Variants in TPD52L1 observed in about 807,000 individuals in gnomAD.
The protein encoded by TPD52L1 is TPD52 like 1.
A neutral mutation model predicts 28.7 loss-of-function variants in TPD52L1; 18 were observed. That is an observed-to-expected ratio of 0.63 (90% confidence interval 0.43 to 0.93). TPD52L1 has a LOEUF of 0.93. Among genes scored for constraint, TPD52L1 ranks in the 40% least tolerant of loss-of-function variants. The pLI, the probability that TPD52L1 is intolerant of heterozygous loss-of-function variation, is 0.00. For synonymous variants in TPD52L1, 75 were observed against 88.8 expected (o/e 0.84, Z 0.88); for missense variants, 203 against 254.8 (o/e 0.80, Z 1.39).
At chr6:125,172,535 T>TATATATATATATTATATATATATA (rs1791515037) in intron 1 of TPD52L1, among the ~76,000 whole-genome samples, 1 of 98,150 alleles carries the variant, frequency 1.0e-5, no homozygotes, top group Non-Finnish European at 1.9e-5. Context: ...TATATATATA[T>TATATATATATATTATATATATATA]ATATATATAT....
At chr6:125,238,718 A>G (rs993231152) in intron 3 of TPD52L1, among the ~76,000 whole-genome samples, 1 of 152,224 alleles carries the variant, frequency 6.6e-6, no homozygotes, top group Non-Finnish European at 1.5e-5. Context: ...ATGTAGGAAT[A>G]TATATTAACT....
chr6:125,260,851 T>G (rs1184269182), intron 6 of TPD52L1, among the ~76,000 whole-genome samples: 1 of 90,682 alleles, frequency 1.1e-5, no homozygotes, highest in African/African-American at 4.2e-5. Flanking sequence ...AGAAAGAAAG[T>G]GAGAGAGAGA....
At chr6:125,160,709 G>A (rs559044806) in intron 1 of TPD52L1, among the ~76,000 whole-genome samples, 19 of 152,208 alleles carry the variant, frequency 1.2e-4, no homozygotes, top group African/African-American at 4.6e-4. Flanking sequence ...TCCAGTGTAA[G>A]GCTGTTTCAT....
At chr6:125,230,090 A>G (rs1795857725) in intron 3 of TPD52L1, among the ~76,000 whole-genome samples, 1 of 152,182 alleles carries the variant, frequency 6.6e-6, no homozygotes, top group South Asian at 2.1e-4. Context: ...TGTCTCAAAA[A>G]AAAGAAAGGA....
At chr6:125,179,826 C>T (rs995302768) in intron 1 of TPD52L1, among the ~76,000 whole-genome samples, 1 of 152,146 alleles carries the variant, frequency 6.6e-6, no homozygotes, top group South Asian at 2.1e-4. Context: ...AAGAAGGCAG[C>T]TCTTACTTAA....
At chr6:125,216,432 A>T (rs1794879990) in intron 1 of TPD52L1, among the ~76,000 whole-genome samples, 2 of 151,468 alleles carry the variant, frequency 1.3e-5, no homozygotes, top group African/African-American at 4.9e-5. Flanking sequence ...TTGAAAATAT[A>T]TAAATGTATA....
rs558714919 is a variant in TPD52L1, at chr6:125,257,008, G to A, written c.426-90G>A. 3.4e-5 allele frequency: 39 copies of A among 1,139,600 alleles called. No homozygotes were observed. In the East Asian group the frequency reaches 5.2e-4, roughly 15 times the overall value. 70.6% of individuals were successfully genotyped at this position (1,139,600 alleles called of 1,614,324 possible). ...GACAGGTAGCTCTGTGGCAGAGGCC[G>A]TGTTTACAGATATGAGCAGAAAACC... On this transcript the variant is annotated intron_variant, in intron 5 of 6. Transcript: ENST00000534000.
chr6:125,220,121 A>G lies in TPD52L1; in HGVS notation c.63A>G (p.Ala21=). The G allele has an allele frequency of 6.2e-7, 1 of 1,613,934 alleles. No homozygotes were observed. The highest frequency in any genetic ancestry group is 2.2e-5 in the East Asian group (1 of 44,872). ...TEPLQGTDED[A]VASADFSSML... ...CGTTGCAAGGAACAGACGAAGATGCAGTAGCCAGTGCTGACTTCTCTAGCA... is the reference window on the plus strand; with the variant it reads ...CGTTGCAAGGAACAGACGAAGATGCGGTAGCCAGTGCTGACTTCTCTAGCA... Residue 21 remains alanine, a synonymous_variant, in exon 2 of 7, where the codon GCA becomes GCG. Transcript: ENST00000534000.
chr6:125,177,365 C>A (rs957635307), intron 1 of TPD52L1, among the ~76,000 whole-genome samples: 1 of 152,140 alleles, frequency 6.6e-6, no homozygotes, highest in African/African-American at 2.4e-5. Context: ...GGAAGTCATC[C>A]TCCTTTTTTT....
chr6:125,225,536 A>G (rs1350998188), intron 2 of TPD52L1, among the ~76,000 whole-genome samples: 1 of 152,222 alleles, frequency 6.6e-6, no homozygotes. Context: ...GTTAATTCAT[A>G]TTTAAATAAT....
chr6:125,197,839 G>C (rs1793545200), intron 1 of TPD52L1, among the ~76,000 whole-genome samples: 1 of 152,166 alleles, frequency 6.6e-6, no homozygotes, highest in Non-Finnish European at 1.5e-5. Flanking sequence ...AGGGAGGCAG[G>C]GGATGTTACA....
chr6:125,160,883 G>C (rs1440989379), intron 1 of TPD52L1, among the ~76,000 whole-genome samples: 1 of 124,494 alleles, frequency 8.0e-6, no homozygotes, highest in Non-Finnish European at 1.6e-5. Context: ...ATGGAGTCTT[G>C]CTCTGTCACC....
At chr6:125,230,764 T>G (rs1373772694) in intron 3 of TPD52L1, among the ~76,000 whole-genome samples, 1 of 152,164 alleles carries the variant, frequency 6.6e-6, no homozygotes, top group Non-Finnish European at 1.5e-5. Flanking sequence ...CCTATTGGGC[T>G]CTATGCTTGT....
Position 125,153,933 on chromosome 6 carries a change from C to G in TPD52L1, c.-19C>G, listed in dbSNP as rs1388559957. The G allele has an allele frequency of 1.2e-6, 2 of 1,603,876 alleles. No individual in the cohort carries two copies. Among genetic ancestry groups the G allele is most frequent in the South Asian group, 2.2e-5 (2 of 89,342 alleles). On this transcript the variant is annotated 5_prime_UTR_variant, in exon 1 of 7. Coordinates refer to ENST00000534000, the MANE Select transcript of TPD52L1 (RefSeq NM_003287.4). ...AGCACCAGGGTGTCCCCGCCGCCCTCAGCTCGAAGTCAGCCACCATGGAGG... is the reference window on the plus strand; with the variant it reads ...AGCACCAGGGTGTCCCCGCCGCCCTGAGCTCGAAGTCAGCCACCATGGAGG...
intron 3 of TPD52L1, among the ~76,000 whole-genome samples, chr6:125,240,304 T>A (rs1348080242): frequency 6.6e-6 from 1 of 152,120 alleles, no homozygotes. Context: ...TTTGGCTATG[T>A]GGGCTTTTTT....
chr6:125,172,133 TTTC>T (rs1562210735), intron 1 of TPD52L1, among the ~76,000 whole-genome samples: 776 of 76,298 alleles, frequency 0.01, 4 homozygotes, highest in Middle Eastern at 0.012. Flanking sequence ...TCTTTCTTTC[TTTC>T]TTTCTTTCTT....
intron 1 of TPD52L1, among the ~76,000 whole-genome samples, chr6:125,158,783 G>A (rs1344385293): frequency 6.6e-6 from 1 of 152,154 alleles, no homozygotes; most frequent in Non-Finnish European, 1.5e-5. Context: ...GATAGTGTGG[G>A]TTCAGTTCCA....
intron 4 of TPD52L1, chr6:125,252,034 C>T (rs771820829): frequency 2.0e-5 from 30 of 1,535,960 alleles, no homozygotes; most frequent in Non-Finnish European, 2.4e-5. Context: ...CTCACTCCAT[C>T]GGGTAAGCGC....
chr6:125,218,309 T>A (rs1795013746), intron 1 of TPD52L1, among the ~76,000 whole-genome samples: 1 of 152,214 alleles, frequency 6.6e-6, no homozygotes, highest in South Asian at 2.1e-4. Flanking sequence ...ACTAATTTAA[T>A]TTGTATTTCC....
Sources: gnomAD v4.1 joint callset for allele counts (sites outside exome capture counted in the v4.1 genomes callset) on GRCh38, gnomAD v4.1.1 for gene constraint, MANE v1.5 for transcripts, NCBI Gene and HGNC (gene_info 2026-07-23, HGNC 2026-07-21) for gene names.